Variants in RBBP8 observed in about 807,000 individuals in gnomAD.
RBBP8 encodes the protein RB binding protein 8, endonuclease.
RBBP8 carries 88 observed loss-of-function variants against 108.3 expected under a neutral mutation model. The observed-to-expected ratio is 0.81, with a 90% CI of 0.68 to 0.97. RBBP8 has a LOEUF of 0.97. Among genes scored for constraint, RBBP8 ranks in the 50% least tolerant of loss-of-function variants. The pLI is 0.00. For synonymous variants in RBBP8, 332 were observed against 348.2 expected (o/e 0.95, Z 0.52); for missense variants, 1,023 against 1,049.0 (o/e 0.98, Z 0.34).
chr18:23,022,658 T>TAAAAATAAAA (rs1234771238), intron 18 of RBBP8, among the ~76,000 whole-genome samples: 6 of 83,752 alleles, frequency 7.2e-5, no homozygotes, highest in African/African-American at 1.7e-4. Context: ...CAATATAAAA[T>TAAAAATAAAA]AAAATAAAAT....
intron 4 of RBBP8, among the ~76,000 whole-genome samples, chr18:22,954,689 G>T (rs1042316086): frequency 6.6e-6 from 1 of 152,290 alleles, no homozygotes; most frequent in East Asian, 1.9e-4. Flanking sequence ...CAGTGTCCCA[G>T]TGGGGACTGT....
At chr18:22,926,814 C>T (rs561648036) in intron 3 of RBBP8, among the ~76,000 whole-genome samples, 2 of 152,246 alleles carry the variant, frequency 1.3e-5, no homozygotes, top group South Asian at 2.1e-4. Flanking sequence ...TCTTTAATGT[C>T]CATTATGAGC....
rs758004290 is a variant in RBBP8, at chr18:23,001,637, C to T, written c.2195C>T (p.Thr732Ile). The change falls in exon 15 of 19, where the codon ACA becomes ATA. Residue 732 changes from threonine to isoleucine, a missense_variant. Thr to Ile is a moderately conservative substitution (Grantham distance 89). Coordinates refer to ENST00000327155, the MANE Select transcript of RBBP8 (RefSeq NM_002894.3). ...TTGGAAGATATGTTTGATCGGACAA[C>T]ACATGAAGAGTATGAATCCTGTTTG... is the stretch of plus-strand genomic sequence containing the variant. ...DSLEDMFDRT[T>I]HEEYESCLAD... is the part of the protein sequence containing the mutation. 2.0e-5 allele frequency: 33 copies of T among 1,613,916 alleles called. No homozygotes were observed. Among genetic ancestry groups the T allele is most frequent in the Non-Finnish European group, 2.8e-5 (33 of 1,179,990 alleles).
chr18:23,012,382 C>CA (rs1186242119), intron 16 of RBBP8, among the ~76,000 whole-genome samples: 1 of 152,068 alleles, frequency 6.6e-6, no homozygotes, highest in Non-Finnish European at 1.5e-5. Flanking sequence ...ACCAGTCAGC[C>CA]AAGTTGCAAA....
At chr18:22,988,833 C>G (rs868219270) in intron 8 of RBBP8, among the ~76,000 whole-genome samples, 2 of 152,154 alleles carry the variant, frequency 1.3e-5, no homozygotes, top group Non-Finnish European at 2.9e-5. Context: ...CTGACAACCT[C>G]TCCTACAAAG....
At chr18:22,990,167 C>A (rs192820708) in intron 9 of RBBP8, among the ~76,000 whole-genome samples, 111 of 152,292 alleles carry the variant, frequency 7.3e-4, no homozygotes, top group South Asian at 1.0e-3. Flanking sequence ...ACAGCTTAGA[C>A]ACCAAATAGA....
At chr18:22,953,988 T>C (rs903745918) in intron 4 of RBBP8, among the ~76,000 whole-genome samples, 2 of 151,724 alleles carry the variant, frequency 1.3e-5, no homozygotes, top group African/African-American at 4.9e-5. Flanking sequence ...TCATGAGAAC[T>C]CACTCACTAT....
chr18:22,971,683 T>C (rs186777798), intron 5 of RBBP8, among the ~76,000 whole-genome samples: 1 of 147,180 alleles, frequency 6.8e-6, no homozygotes, highest in East Asian at 2.0e-4. Context: ...TCTCACACTT[T>C]CACCTAGGAT....
chr18:22,952,540 T>C (rs947924813), intron 4 of RBBP8, among the ~76,000 whole-genome samples: 8 of 152,180 alleles, frequency 5.3e-5, no homozygotes, highest in Non-Finnish European at 1.2e-4. Context: ...ACATAACAGA[T>C]ATTTAATAAG....
chr18:22,946,038 A>C (rs1911531406), intron 2 of RBBP8, among the ~76,000 whole-genome samples: 1 of 152,210 alleles, frequency 6.6e-6, no homozygotes, highest in African/African-American at 2.4e-5. Flanking sequence ...CTTTTCCATA[A>C]GGAATTTTGC....
At chr18:22,996,288 C>G in intron 12 of RBBP8, 86 bp from the exon 13 acceptor site, 2 of 1,554,828 alleles carry the variant, frequency 1.3e-6, no homozygotes, top group Admixed American at 1.9e-5. Context: ...CAAAAATTTT[C>G]TATTCTTTAG....
intron 3 of RBBP8, among the ~76,000 whole-genome samples, chr18:22,917,290 G>C (rs1489598202): frequency 6.6e-6 from 1 of 152,198 alleles, no homozygotes; most frequent in African/African-American, 2.4e-5. Flanking sequence ...AACTTTACAA[G>C]AGAAAAGGCA....
intron 4 of RBBP8, among the ~76,000 whole-genome samples, chr18:22,956,127 G>A (rs770918993): frequency 6.0e-5 from 9 of 150,564 alleles, no homozygotes; most frequent in Non-Finnish European, 1.3e-4. Context: ...TTTAATTGTT[G>A]CTAACTAAAT....
At chr18:22,951,289 T>A (rs1224106147) in intron 4 of RBBP8, among the ~76,000 whole-genome samples, 2 of 152,210 alleles carry the variant, frequency 1.3e-5, no homozygotes, top group Non-Finnish European at 2.9e-5. Context: ...AGAAGTTGAA[T>A]AAGACTTACA....
intron 4 of RBBP8, among the ~76,000 whole-genome samples, chr18:22,965,559 G>GTA (rs1213286451): frequency 2.0e-5 from 3 of 152,116 alleles, no homozygotes; most frequent in Admixed American, 2.0e-4. Context: ...AATTTGGTGT[G>GTA]TATATATATT....
intron 5 of RBBP8, among the ~76,000 whole-genome samples, chr18:22,973,768 G>T (rs1022741994): frequency 6.6e-6 from 1 of 152,050 alleles, no homozygotes; most frequent in Non-Finnish European, 1.5e-5. Flanking sequence ...ATAATCTCCT[G>T]TCCAGCTCAG....
At chr18:22,954,307 G>A (rs187902987) in intron 4 of RBBP8, among the ~76,000 whole-genome samples, 3 of 152,284 alleles carry the variant, frequency 2.0e-5, no homozygotes, top group Admixed American at 6.5e-5. Flanking sequence ...TAGTTACCTC[G>A]TAGATACAGT....
intron 3 of RBBP8, among the ~76,000 whole-genome samples, 170 bp downstream of exon 3, chr18:22,946,656 T>G (rs944539569): frequency 2.1e-4 from 32 of 152,250 alleles, no homozygotes; most frequent in African/African-American, 7.2e-4. Context: ...GCAGCAGTTT[T>G]TTTTTTCAAA....
rs1035003325 is a variant in RBBP8 at position 22,977,476 on chromosome 18, G to A, written c.428+2257G>A. ...ATTTTGCCACTATAAAGTTAAAAAT[G>A]TGTATAAAGCTAGGTATTGAGGTCA... On this transcript the variant is annotated intron_variant, in intron 6 of 18. Transcript: ENST00000327155. 3.4e-4 allele frequency among the ~76,000 whole-genome samples: 51 copies of A among 152,044 alleles called. 1 individual carries two copies. The highest frequency in any genetic ancestry group is 1.6e-4 in the Non-Finnish European group (11 of 67,982).
Sources: gnomAD v4.1 joint callset for allele counts (sites outside exome capture counted in the v4.1 genomes callset) on GRCh38, gnomAD v4.1.1 for gene constraint, MANE v1.5 for transcripts, NCBI Gene and HGNC (gene_info 2026-07-23, HGNC 2026-07-21) for gene names.